GABRB3: variants seen among roughly 807,000 people sequenced by gnomAD.
GABRB3 encodes the protein gamma-aminobutyric acid type A receptor subunit beta3, also known as gamma-aminobutyric acid receptor subunit beta-3.
In GABRB3, 14 loss-of-function variants were observed where a neutral mutation model predicts 52.1. That is an observed-to-expected ratio of 0.27 (90% CI 0.18 to 0.42). The LOEUF (loss-of-function observed/expected upper bound fraction) is 0.42. Ranked by LOEUF, GABRB3 falls within the 10% of genes least tolerant of loss-of-function variation. The probability of loss-of-function intolerance (pLI) is 1.00; values close to 1 mark genes in which losing one functional copy is unlikely to be tolerated. For synonymous variants in GABRB3, 260 were observed against 232.3 expected (o/e 1.12, Z -1.08); for missense variants, 307 against 609.1 (o/e 0.50, Z 5.22).
chr15:26,586,566 A>C (rs1026012218), intron 4 of GABRB3, among the ~76,000 whole-genome samples: 2 of 151,558 alleles, frequency 1.3e-5, no homozygotes, highest in African/African-American at 4.8e-5. Flanking sequence ...CAAGTACAGT[A>C]GCTGTCCAGG....
At chr15:26,743,404 C>T (rs1316452018) in intron 3 of GABRB3, among the ~76,000 whole-genome samples, 2 of 152,158 alleles carry the variant, frequency 1.3e-5, no homozygotes, top group South Asian at 2.1e-4. Flanking sequence ...GAGCAATTTA[C>T]TTAGTCTCTT....
chr15:26,631,577 C>T (rs567564313), intron 3 of GABRB3, among the ~76,000 whole-genome samples: 33 of 152,286 alleles, frequency 2.2e-4, no homozygotes, highest in African/African-American at 7.5e-4. Flanking sequence ...GTAAGTTGTT[C>T]TCAGGTCAGG....
rs151058722 is a variant in GABRB3 at position 26,597,849 on chromosome 15, A to T, written c.462-14435T>A. On this transcript the variant is annotated intron_variant, in intron 4 of 8. Coordinates refer to ENST00000311550, the MANE Select transcript of GABRB3 (RefSeq NM_000814.6). ...CATTTTTTCTCCACCCTCAAAATTA[A>T]ATCTTTAAAATTAGGGAAGTCATAT... Among the ~76,000 whole-genome samples the T allele has an allele frequency of 1.9e-3, 284 of 152,338 alleles. 6 individuals carry two copies. In the East Asian group the frequency reaches 0.036, roughly 20 times the overall value.
At chr15:26,686,420 T>C (rs959205054) in intron 3 of GABRB3, among the ~76,000 whole-genome samples, 3 of 152,224 alleles carry the variant, frequency 2.0e-5, no homozygotes, top group African/African-American at 7.2e-5. Context: ...TTCAGTACCC[T>C]CACAAAGTGA....
chr15:26,574,083 A>T (rs1291214619), intron 6 of GABRB3, among the ~76,000 whole-genome samples: 1 of 152,096 alleles, frequency 6.6e-6, no homozygotes, highest in Non-Finnish European at 1.5e-5. Context: ...AAGACAAATA[A>T]CTGAAATTGT....
chr15:26,568,182 C>G (rs572099623), intron 6 of GABRB3, among the ~76,000 whole-genome samples: 1 of 152,136 alleles, frequency 6.6e-6, no homozygotes, highest in South Asian at 2.1e-4. Context: ...AGAGGCATTG[C>G]CCCTAGAGTG....
At chr15:26,620,632 C>T (rs1170034249) in intron 4 of GABRB3, among the ~76,000 whole-genome samples, 1 of 152,120 alleles carries the variant, frequency 6.6e-6, no homozygotes, top group Non-Finnish European at 1.5e-5. Context: ...ATGCAAGAGA[C>T]AGAAGGTTTT....
rs994117369 is a variant in GABRB3 at position 26,621,957 on chromosome 15, T to C, written c.241-423A>G. ...ATGAGCTCTATCTACAAACTCTCTCTGCAATTTGAGCCACTTTCCTCTGGT... is the reference window on the plus strand; with the variant it reads ...ATGAGCTCTATCTACAAACTCTCTCCGCAATTTGAGCCACTTTCCTCTGGT... On this transcript the variant is annotated intron_variant, in intron 3 of 8. Transcript: ENST00000311550. The surrounding 1 kb of genome is among the most constrained non-coding windows in gnomAD (Gnocchi z 4.1). Among the ~76,000 whole-genome samples the C allele has an allele frequency of 1.3e-5, 2 of 152,002 alleles. No individual in the cohort carries two copies. Among genetic ancestry groups the C allele is most frequent in the Admixed American group, 6.5e-5 (1 of 15,272 alleles).
At chr15:26,692,848 C>T (rs1417891260) in intron 3 of GABRB3, among the ~76,000 whole-genome samples, 1 of 152,132 alleles carries the variant, frequency 6.6e-6, no homozygotes, top group Non-Finnish European at 1.5e-5. Flanking sequence ...CAAGAAATCT[C>T]GTTTTACTTA....
At chr15:26,635,096 G>A (rs1180026866) in intron 3 of GABRB3, among the ~76,000 whole-genome samples, 2 of 146,804 alleles carry the variant, frequency 1.4e-5, no homozygotes, top group Non-Finnish European at 3.0e-5. Flanking sequence ...TTTATTTTCC[G>A]GCAACTATCT....
chr15:26,772,061 G>A (rs1453353602), intron 3 of GABRB3: 5 of 263,132 alleles, frequency 1.9e-5, no homozygotes, highest in Non-Finnish European at 3.5e-5. Context: ...TGTTGCTAAG[G>A]AGGCGAGACA....
At chr15:26,689,579 C>T (rs1464649448) in intron 3 of GABRB3, among the ~76,000 whole-genome samples, 8 of 152,142 alleles carry the variant, frequency 5.3e-5, no homozygotes, top group Admixed American at 5.2e-4. Flanking sequence ...TGTTCAAAAA[C>T]TGGTGGCGTT....
chr15:26,636,994 T>C (rs914608348), intron 3 of GABRB3, among the ~76,000 whole-genome samples: 1 of 152,172 alleles, frequency 6.6e-6, no homozygotes, highest in Non-Finnish European at 1.5e-5. Context: ...CTTGTTCCCA[T>C]TGGAGCAACC....
intron 3 of GABRB3, among the ~76,000 whole-genome samples, chr15:26,762,349 C>A (rs1048913828): frequency 6.6e-6 from 1 of 152,130 alleles, no homozygotes; most frequent in Non-Finnish European, 1.5e-5. Flanking sequence ...TTGCCTTCAA[C>A]GATGTGGGCA....
chr15:26,560,946 T>A lies in GABRB3; in HGVS notation c.1066A>T (p.Ser356Cys). 1 of 1,614,020 alleles carries A rather than the reference T, an allele frequency of 6.2e-7. No homozygotes were observed. The highest frequency in any genetic ancestry group is 8.5e-7 in the Non-Finnish European group (1 of 1,180,042). The change falls in exon 8 of 9, where the codon AGC (serine) becomes TGC (cysteine). Residue 356 changes from serine (S) to cysteine (C), a missense_variant. Ser to Cys is a moderately radical substitution (Grantham distance 112). This residue lies in a region of GABRB3 where 115 missense variants were observed against 166.9 expected (regional missense o/e 0.69). Coordinates refer to ENST00000311550, the MANE Select transcript of GABRB3 (RefSeq NM_000814.6). Reference protein sequence around the residue: ...TAKAKNDRSKSESNRVDAHGN... With the variant: ...TAKAKNDRSKCESNRVDAHGN... Reference sequence around the variant, plus strand: ...GGAGAGCCTACCCGGTTGCTTTCGCTCTTTGAACGGTCATTCTTTGCCTTG... The same window carrying A: ...GGAGAGCCTACCCGGTTGCTTTCGCACTTTGAACGGTCATTCTTTGCCTTG...
intron 3 of GABRB3, among the ~76,000 whole-genome samples, chr15:26,711,380 C>T (rs1889289132): frequency 6.6e-6 from 1 of 152,192 alleles, no homozygotes; most frequent in African/African-American, 2.4e-5. Flanking sequence ...AACTGGCCCT[C>T]CGACCCCCTT....
At chr15:26,606,805 T>TATCGATAGATATATTG (rs1275882932) in intron 4 of GABRB3, among the ~76,000 whole-genome samples, 28 of 118,050 alleles carry the variant, frequency 2.4e-4, no homozygotes, top group African/African-American at 7.2e-4. Flanking sequence ...TAGATATATC[T>TATCGATAGATATATTG]ATAGATAGAT....
At chr15:26,561,336 T>C (rs1423573527) in intron 7 of GABRB3, among the ~76,000 whole-genome samples, 160 bp from the exon 8 acceptor site, 3 of 152,214 alleles carry the variant, frequency 2.0e-5, no homozygotes, top group Non-Finnish European at 4.4e-5. Context: ...ATCTTGTCAT[T>C]TGCACCGCAC....
chr15:26,758,550 A>G (rs1890724628), intron 3 of GABRB3, among the ~76,000 whole-genome samples: 1 of 152,210 alleles, frequency 6.6e-6, no homozygotes, highest in Admixed American at 6.5e-5. Context: ...ATGTCATTCA[A>G]GCAGGCAGCT....
Sources: allele counts gnomAD v4.1 joint callset (sites outside exome capture counted in the v4.1 genomes callset), GRCh38; gene constraint gnomAD v4.1.1; regional missense constraint gnomAD v4.1.1; non-coding constraint Gnocchi (gnomAD v3.1); transcripts MANE v1.5; gene names NCBI Gene and HGNC (gene_info 2026-07-23, HGNC 2026-07-21).